ZMIZ1: variants seen among roughly 807,000 people sequenced by gnomAD.
ZMIZ1 encodes the protein zinc finger MIZ-type containing 1.
ZMIZ1 carries 17 observed loss-of-function variants against 113.9 expected under a neutral mutation model. That is an observed-to-expected ratio of 0.15 (90% CI 0.10 to 0.22). ZMIZ1 has a LOEUF of 0.22. ZMIZ1 is among the 10% of genes least tolerant of loss of function. ZMIZ1 has a pLI of 1.00. For synonymous variants in ZMIZ1, 607 were observed against 603.1 expected, an observed-to-expected ratio of 1.01 and a Z score of -0.09; for missense variants, 1,059 against 1,477.8, an observed-to-expected ratio of 0.72 and a Z score of 4.65.
intron 16 of ZMIZ1, 22 bp downstream of exon 16, chr10:79,299,213 C>T: frequency 6.3e-7 from 1 of 1,591,106 alleles, no homozygotes; most frequent in Non-Finnish European, 8.5e-7. Flanking sequence ...GGCAGGGGCG[C>T]CAGCCCAGGC....
intron 1 of ZMIZ1, among the ~76,000 whole-genome samples, chr10:79,102,849 C>T (rs1251864315): frequency 6.6e-6 from 1 of 152,210 alleles, no homozygotes; most frequent in African/African-American, 2.4e-5. Flanking sequence ...CGTAGCTGTT[C>T]ACTCACTTGT....
At chr10:79,150,570 G>A (rs1005365511) in intron 3 of ZMIZ1, among the ~76,000 whole-genome samples, 1 of 152,234 alleles carries the variant, frequency 6.6e-6, no homozygotes, top group Non-Finnish European at 1.5e-5. Context: ...CCACCAACCT[G>A]CTGGTGCACC....
At chr10:79,078,092 A>G (rs1842534371) in intron 1 of ZMIZ1, among the ~76,000 whole-genome samples, 1 of 152,216 alleles carries the variant, frequency 6.6e-6, no homozygotes, top group Non-Finnish European at 1.5e-5. Flanking sequence ...AGTACATTGT[A>G]ATTCAACCTA....
chr10:79,102,095 T>C (rs1036910990), intron 1 of ZMIZ1, among the ~76,000 whole-genome samples: 1 of 152,094 alleles, frequency 6.6e-6, no homozygotes, highest in Non-Finnish European at 1.5e-5. Context: ...AGCAATAAGC[T>C]CTTCCCATCT....
At chr10:79,167,533 A>G (rs1335505429) in intron 4 of ZMIZ1, among the ~76,000 whole-genome samples, 2 of 152,190 alleles carry the variant, frequency 1.3e-5, no homozygotes, top group Non-Finnish European at 2.9e-5. Flanking sequence ...TCCTAAAGAT[A>G]TATCGAGGCA....
At chr10:79,242,837 C>T (rs1040527903) in intron 7 of ZMIZ1, among the ~76,000 whole-genome samples, 4 of 152,134 alleles carry the variant, frequency 2.6e-5, no homozygotes, top group African/African-American at 9.7e-5. Context: ...CTCGTCGGGT[C>T]GTGCGTTCGC....
At chr10:79,110,990 G>A (rs150666564) in intron 1 of ZMIZ1, among the ~76,000 whole-genome samples, 3 of 152,332 alleles carry the variant, frequency 2.0e-5, no homozygotes, top group South Asian at 4.1e-4. Flanking sequence ...CACTGGCACC[G>A]AGGGACTCCT....
At chr10:79,264,062 A>G (rs1851431767) in intron 7 of ZMIZ1, among the ~76,000 whole-genome samples, 2 of 152,200 alleles carry the variant, frequency 1.3e-5, no homozygotes, top group South Asian at 4.1e-4. Context: ...GAAAAATTAC[A>G]TGCGGAATGG....
chr10:79,201,555 C>T, intron 4 of ZMIZ1, 29 bp from the exon 5 acceptor site: 1 of 1,545,558 alleles, frequency 6.5e-7, no homozygotes, highest in Non-Finnish European at 8.9e-7. Context: ...TGGCGTGATC[C>T]AGTGACAACC....
chr10:79,157,977 AG>A (rs5786380), intron 3 of ZMIZ1, among the ~76,000 whole-genome samples: 55,956 of 151,936 alleles, frequency 0.37, 10,754 homozygotes, highest in Non-Finnish European at 0.43. Context: ...CAGGCGCCTG[AG>A]GATCAGTGTA....
chr10:79,147,123 C>T (rs1361302517), intron 3 of ZMIZ1, among the ~76,000 whole-genome samples: 4 of 152,130 alleles, frequency 2.6e-5, no homozygotes, highest in African/African-American at 7.2e-5. Context: ...GTGGTGGCAG[C>T]GAGGATCGCC....
At chr10:79,203,096 A>T (rs1009531028) in intron 5 of ZMIZ1, among the ~76,000 whole-genome samples, 6 of 152,124 alleles carry the variant, frequency 3.9e-5, no homozygotes, top group African/African-American at 1.4e-4. Context: ...CAGGAAGCTC[A>T]GGCAACCAGC....
At chr10:79,154,140 T>G (rs1292612976) in intron 3 of ZMIZ1, among the ~76,000 whole-genome samples, 1 of 152,182 alleles carries the variant, frequency 6.6e-6, no homozygotes, top group East Asian at 1.9e-4. Flanking sequence ...GATAAGTGAC[T>G]TTCTTGTGGG....
In ZMIZ1 at chr10:79,312,667, A is replaced by G; in HGVS notation, c.3122A>G (p.Asp1041Gly). ...LDLLPELTNP[D>G]ELLSYLDPPD... The stretch of plus-strand genomic sequence containing the variant: ...CTCCTTCCCGAACTCACAAATCCTG[A>G]CGAGCTCCTGTCTTATCTGGACCCC... Residue 1041 changes from aspartate (D) to glycine (G), a missense_variant, in exon 25 of 25, where the codon GAC becomes GGC. Physicochemically the swap from Asp to Gly is moderately conservative, Grantham distance 94. Coordinates refer to ENST00000334512, the MANE Select transcript of ZMIZ1 (RefSeq NM_020338.4). The G allele has an allele frequency of 6.2e-7, 1 of 1,614,074 alleles. No individual in the cohort carries two copies. The highest frequency in any genetic ancestry group is 1.1e-5 in the South Asian group (1 of 91,072).
chr10:79,257,674 C>T (rs1448233748), intron 7 of ZMIZ1, among the ~76,000 whole-genome samples: 2 of 152,242 alleles, frequency 1.3e-5, no homozygotes, highest in Non-Finnish European at 2.9e-5. Context: ...ACCTGCCCTC[C>T]CCAGGCCCCA....
At chr10:79,230,750 C>T (rs1454040024) in intron 7 of ZMIZ1, among the ~76,000 whole-genome samples, 1 of 152,182 alleles carries the variant, frequency 6.6e-6, no homozygotes, top group African/African-American at 2.4e-5. Flanking sequence ...ATTGTCCGCC[C>T]GTGTGGAAGC....
chr10:79,190,907 C>G (rs1235588441), intron 4 of ZMIZ1, among the ~76,000 whole-genome samples: 2 of 152,166 alleles, frequency 1.3e-5, no homozygotes, highest in Non-Finnish European at 2.9e-5. Flanking sequence ...GCTTGGTGGC[C>G]TCAAGCTAAG....
At position 79,293,457 on chromosome 10, in the gene ZMIZ1, G is replaced by C. The variant is rs140387368; in HGVS notation, c.1034G>C (p.Ser345Thr). The change falls in exon 12 of 25, where the codon AGC becomes ACC. Residue 345 changes from serine to threonine, a missense_variant. By Grantham distance (58) the Ser-to-Thr change is moderately conservative (BLOSUM62 1). Coordinates refer to ENST00000334512, the MANE Select transcript of ZMIZ1 (RefSeq NM_020338.4). ...CGGGGGCCTGCCTCCATGGGGGGCAGCATGAACCCCGCGAGCATGGCGGCT... is the reference window on the plus strand; with the variant it reads ...CGGGGGCCTGCCTCCATGGGGGGCACCATGAACCCCGCGAGCATGGCGGCT... The part of the protein sequence containing the change: ...GPRGPASMGG[S>T]MNPASMAAGM... The C allele has an allele frequency of 2.5e-5, 39 of 1,555,980 alleles. No individual in the cohort carries two copies. The highest frequency in any genetic ancestry group is 3.3e-5 in the Non-Finnish European group (38 of 1,149,618).
chr10:79,285,391 A>C (rs1853004515), intron 8 of ZMIZ1: 7 of 448,322 alleles, frequency 1.6e-5, no homozygotes, highest in Non-Finnish European at 3.1e-5. Context: ...CATGTTAGGC[A>C]CTTACACTTA....
Sources: allele counts gnomAD v4.1 joint callset (sites outside exome capture counted in the v4.1 genomes callset), GRCh38; gene constraint gnomAD v4.1.1; transcripts MANE v1.5; gene names NCBI Gene and HGNC (gene_info 2026-07-23, HGNC 2026-07-21).